ADAMTS20: variants seen among roughly 807,000 people sequenced by gnomAD.
ADAMTS20 encodes the protein A disintegrin and metalloproteinase with thrombospondin motifs 20.
ADAMTS20 carries 225 observed loss-of-function variants against 260.1 expected under a neutral mutation model. The observed-to-expected ratio is 0.87, with a 90% CI of 0.78 to 0.97. ADAMTS20 has a LOEUF of 0.97. Ranked by LOEUF, ADAMTS20 falls within the 50% of genes least tolerant of loss-of-function variation. ADAMTS20 has a pLI of 0.00. For missense variants in ADAMTS20, 2,400 were observed against 2,337.7 expected (o/e 1.03, Z -0.55); for synonymous variants, 802 against 769.5 (o/e 1.04, Z -0.70).
At chr12:43,497,875 C>T (rs749130268) in intron 4 of ADAMTS20, among the ~76,000 whole-genome samples, 4 of 152,032 alleles carry the variant, frequency 2.6e-5, no homozygotes, top group Non-Finnish European at 4.4e-5. Context: ...ATTATAGAGT[C>T]AAACCCTTAC....
Position 43,551,941 on chromosome 12 carries a change from C to T in ADAMTS20, c.-20G>A, listed in dbSNP as rs1943524683. ...CCACATGGTTCCACCCTGGGGACCC[C>T]GATCGGGGAGGCCCACCAGAGCCGC... On this transcript the variant is annotated 5_prime_UTR_variant, in exon 1 of 39. Transcript: ENST00000389420. The surrounding 1 kb of genome is among the most constrained non-coding windows in gnomAD (Gnocchi z 4.6). The T allele has an allele frequency of 6.2e-7, 1 of 1,610,822 alleles. No homozygotes were observed. The highest frequency in any genetic ancestry group is 8.5e-7 in the Non-Finnish European group (1 of 1,177,922).
At chr12:43,475,109 A>G (rs1157343738) in intron 7 of ADAMTS20, among the ~76,000 whole-genome samples, 2 of 116,536 alleles carry the variant, frequency 1.7e-5, no homozygotes, top group Non-Finnish European at 3.7e-5. Context: ...TCAGCCCAAA[A>G]TCTCCTTAAG....
In ADAMTS20 at chr12:43,356,568, C is replaced by A. The variant is rs752671454; in HGVS notation, c.5559G>T (p.Leu1853Phe). ...RCPQGQFSIN[L>F]SGTGMKISST... ...TGGATATCTTCATCCCAGTTCCTGA[C>A]AAATTAATGCTAAACTGTCCCTGGA... Residue 1853 changes from leucine to phenylalanine, a missense_variant, in exon 38 of 39, where the codon TTG (leucine) becomes TTT (phenylalanine). Transcript: ENST00000389420. 16 of 1,610,802 alleles carry A rather than the reference C, an allele frequency of 9.9e-6. No homozygotes were observed. The highest frequency in any genetic ancestry group is 1.3e-5 in the Non-Finnish European group (15 of 1,178,312).
rs1027378206 is a variant in ADAMTS20, at chr12:43,469,464, A to G, written c.1118-759T>C. ...AAAAATAATATAGGATAAGAAACTC[A>G]AAATAAATATTCATTACAACAATCC... On this transcript the variant is annotated intron_variant, in intron 7 of 38. Coordinates refer to ENST00000389420, the MANE Select transcript of ADAMTS20 (RefSeq NM_025003.5). Among the ~76,000 whole-genome samples the G allele has an allele frequency of 4.6e-5, 7 of 152,146 alleles. No homozygotes were observed. The East Asian group carries it at 9.6e-4, about 21-fold the overall frequency.
In ADAMTS20 at chr12:43,551,556, G is replaced by A. The variant is rs554548760; in HGVS notation, c.91+275C>T. Among the ~76,000 whole-genome samples, 7 of 152,134 alleles carry A rather than the reference G, an allele frequency of 4.6e-5. No individual in the cohort carries two copies. The highest frequency in any genetic ancestry group is 7.4e-5 in the Non-Finnish European group (5 of 67,998). On this transcript the variant is annotated intron_variant, in intron 1 of 38. Coordinates refer to ENST00000389420, the MANE Select transcript of ADAMTS20 (RefSeq NM_025003.5). This position sits in a 1 kb window ranked among gnomAD's most constrained non-coding sequence, Gnocchi z 4.6. ...TTCCCCAGTACCTCCTAACCTCCCCGCAGCCCCCAACTCGTTCCCTCCGGG... is the reference window on the plus strand; with the variant it reads ...TTCCCCAGTACCTCCTAACCTCCCCACAGCCCCCAACTCGTTCCCTCCGGG...
intron 27 of ADAMTS20, among the ~76,000 whole-genome samples, chr12:43,427,007 T>C (rs977171537): frequency 6.6e-6 from 1 of 151,976 alleles, no homozygotes; most frequent in Non-Finnish European, 1.5e-5. Flanking sequence ...TTCCCATCTT[T>C]ATTAAAAATG....
chr12:43,408,985 T>C (rs1298352663), intron 28 of ADAMTS20, among the ~76,000 whole-genome samples: 2 of 152,178 alleles, frequency 1.3e-5, no homozygotes, highest in Non-Finnish European at 2.9e-5. Context: ...GAAATAGTGC[T>C]TGACACAATA....
chr12:43,519,793 G>T (rs1432791139), intron 3 of ADAMTS20, among the ~76,000 whole-genome samples: 1 of 152,148 alleles, frequency 6.6e-6, no homozygotes, highest in Admixed American at 6.6e-5. Context: ...AAAAGAGAGA[G>T]ATAACGAATT....
chr12:43,496,491 C>T (rs560427190), intron 4 of ADAMTS20, among the ~76,000 whole-genome samples: 90 of 152,300 alleles, frequency 5.9e-4, no homozygotes, highest in African/African-American at 1.9e-3. Context: ...ACACATCCCC[C>T]GGCCACTGGT....
chr12:43,357,239 A>T (rs568901276), intron 37 of ADAMTS20, among the ~76,000 whole-genome samples: 4 of 152,210 alleles, frequency 2.6e-5, no homozygotes, highest in Non-Finnish European at 4.4e-5. Context: ...TACAGTACAG[A>T]TTTAAACATT....
intron 28 of ADAMTS20, 38 bp downstream of exon 28, chr12:43,425,476 A>C: frequency 1.4e-6 from 2 of 1,417,302 alleles, no homozygotes; most frequent in East Asian, 2.6e-5. Flanking sequence ...CTCAAACTTT[A>C]AAGTATGACA....
At chr12:43,391,062 G>A (rs552261077) in intron 29 of ADAMTS20, among the ~76,000 whole-genome samples, 1 of 152,170 alleles carries the variant, frequency 6.6e-6, no homozygotes, top group South Asian at 2.1e-4. Flanking sequence ...CACAGTTCTG[G>A]AGGCTGGGAA....
chr12:43,429,657 A>C lies in ADAMTS20; in HGVS notation c.3449T>G (p.Ile1150Arg). The change falls in exon 24 of 39, where the codon ATA becomes AGA. Residue 1150 changes from isoleucine to arginine, a missense_variant. Transcript: ENST00000389420. ...LETALLPTVLIKKMAQWRHGS... is the reference protein window; with the variant it reads ...LETALLPTVLRKKMAQWRHGS... ...ATGTCGCCATTGTGCCATCTTTTTTATGAGAACAGTTGGTAATAAAGCGGT... is the reference window on the plus strand; with the variant it reads ...ATGTCGCCATTGTGCCATCTTTTTTCTGAGAACAGTTGGTAATAAAGCGGT... The C allele has an allele frequency of 6.2e-7, 1 of 1,600,722 alleles. No individual in the cohort carries two copies. Among genetic ancestry groups the C allele is most frequent in the Non-Finnish European group, 8.5e-7 (1 of 1,172,636 alleles).
chr12:43,389,814 G>T (rs559231062), intron 29 of ADAMTS20, among the ~76,000 whole-genome samples: 2 of 152,014 alleles, frequency 1.3e-5, no homozygotes, highest in Non-Finnish European at 2.9e-5. Flanking sequence ...GGCCTTTACT[G>T]TCCATATTTC....
intron 14 of ADAMTS20, among the ~76,000 whole-genome samples, chr12:43,451,927 A>G (rs879444292): frequency 6.6e-6 from 1 of 152,216 alleles, no homozygotes; most frequent in Non-Finnish European, 1.5e-5. Context: ...ACATTACTGT[A>G]GAAGCTTACA....
At chr12:43,481,114 T>G (rs10748360) in intron 7 of ADAMTS20, among the ~76,000 whole-genome samples, 1 of 151,854 alleles carries the variant, frequency 6.6e-6, no homozygotes, top group African/African-American at 2.4e-5. Flanking sequence ...AATTTTAAAA[T>G]TCTATGGAAT....
At chr12:43,413,668 AT>A (rs1167243812) in intron 28 of ADAMTS20, among the ~76,000 whole-genome samples, 1 of 152,250 alleles carries the variant, frequency 6.6e-6, no homozygotes, top group African/African-American at 2.4e-5. Flanking sequence ...TTATAAAACT[AT>A]TTTTTCCTGC....
intron 14 of ADAMTS20, among the ~76,000 whole-genome samples, chr12:43,447,642 A>G (rs1941787420): frequency 6.6e-6 from 1 of 152,060 alleles, no homozygotes; most frequent in Non-Finnish European, 1.5e-5. Flanking sequence ...CCTGGCCAGA[A>G]CAATCAGGAA....
intron 2 of ADAMTS20, 132 bp downstream of exon 2, chr12:43,550,777 G>T (rs77112205): frequency 0.033 from 44,786 of 1,347,614 alleles, 1,032 homozygotes; most frequent in East Asian, 0.13. Flanking sequence ...CTGGCTTGGT[G>T]TTAATCCTTC....
Sources: gnomAD v4.1 joint callset for allele counts (sites outside exome capture counted in the v4.1 genomes callset) on GRCh38, gnomAD v4.1.1 for gene constraint, Gnocchi (gnomAD v3.1) non-coding constraint, MANE v1.5 for transcripts, NCBI Gene and HGNC (gene_info 2026-07-23, HGNC 2026-07-21) for gene names.